The following RBFOX1 variants were observed in gnomAD, a reference collection of about 807,000 sequenced individuals.
The protein encoded by RBFOX1 is RNA binding protein fox-1 homolog 1.
RBFOX1 carries 8 observed loss-of-function variants against 57.7 expected under a neutral mutation model. That is an observed-to-expected ratio of 0.14 (90% CI 0.08 to 0.25). The LOEUF is 0.25. Ranked by LOEUF, RBFOX1 falls within the 10% of genes least tolerant of loss-of-function variation. The probability of loss-of-function intolerance (pLI) is 1.00; values close to 1 mark genes in which losing one functional copy is unlikely to be tolerated. For missense variants in RBFOX1, 611 were observed against 548.5 expected (o/e 1.11, Z -1.14); for synonymous variants, 326 against 222.4 (o/e 1.47, Z -4.15).
At chr16:6,460,853 C>G (rs1247030512) in intron 2 of RBFOX1, among the ~76,000 whole-genome samples, 1 of 146,992 alleles carries the variant, frequency 6.8e-6, no homozygotes, top group Non-Finnish European at 1.5e-5. Flanking sequence ...TGGAATCAAC[C>G]TAAATGCCCA....
chr16:6,173,870 A>C (rs370820736), intron 1 of RBFOX1, among the ~76,000 whole-genome samples: 1 of 151,890 alleles, frequency 6.6e-6, no homozygotes, highest in South Asian at 2.1e-4. Flanking sequence ...TTGGCCTCCC[A>C]AAGTGCTGTT....
At chr16:7,201,751 C>G (rs1404945492) in intron 4 of RBFOX1, among the ~76,000 whole-genome samples, 2 of 152,154 alleles carry the variant, frequency 1.3e-5, no homozygotes, top group Non-Finnish European at 2.9e-5. Context: ...GCAAGAGCCA[C>G]CATGCCCGGC....
At chr16:6,481,043 C>T (rs890047781) in intron 2 of RBFOX1, among the ~76,000 whole-genome samples, 4 of 152,152 alleles carry the variant, frequency 2.6e-5, no homozygotes, top group Admixed American at 1.3e-4. Flanking sequence ...TTAGGACAGA[C>T]ATTAGAAGTA....
intron 1 of RBFOX1, among the ~76,000 whole-genome samples, chr16:6,243,665 C>T (rs1054741972): frequency 6.6e-6 from 1 of 152,174 alleles, no homozygotes; most frequent in Non-Finnish European, 1.5e-5. Flanking sequence ...ATCAGAGCAT[C>T]CCAACCCCTG....
At chr16:6,419,299 A>C (rs2093710432) in intron 2 of RBFOX1, among the ~76,000 whole-genome samples, 1 of 152,076 alleles carries the variant, frequency 6.6e-6, no homozygotes, top group Non-Finnish European at 1.5e-5. Context: ...TCTTTGCCTG[A>C]CTGGCCTGGA....
intron 1 of RBFOX1, among the ~76,000 whole-genome samples, chr16:6,158,154 C>T (rs1307825313): frequency 2.0e-5 from 3 of 152,080 alleles, no homozygotes; most frequent in African/African-American, 4.8e-5. Context: ...ATAATGATGT[C>T]CACTTTAGTC....
intron 2 of RBFOX1, among the ~76,000 whole-genome samples, chr16:6,387,440 AGCCAC>A (rs1214867419): frequency 1.3e-5 from 2 of 149,540 alleles, no homozygotes; most frequent in African/African-American, 4.9e-5. Context: ...GTGAGGGAAG[AGCCAC>A]CCTAGATATG....
chr16:5,959,398 TGGG>T (rs2059706771), intron 4 of RBFOX1, among the ~76,000 whole-genome samples: 1 of 152,118 alleles, frequency 6.6e-6, no homozygotes, highest in Non-Finnish European at 1.5e-5. Context: ...AATTTTAAAT[TGGG>T]TGAATGCAGA....
chr16:7,180,741 A>G (rs2082539066), intron 4 of RBFOX1, among the ~76,000 whole-genome samples: 1 of 151,040 alleles, frequency 6.6e-6, no homozygotes, highest in Non-Finnish European at 1.5e-5. Context: ...CTGCCAGAAC[A>G]TTGGCTTCAA....
At chr16:6,665,291 T>G (rs1311634712) in intron 3 of RBFOX1, among the ~76,000 whole-genome samples, 1 of 151,446 alleles carries the variant, frequency 6.6e-6, no homozygotes, top group Non-Finnish European at 1.5e-5. Context: ...TGGGATGGGG[T>G]CCAGCTAAAT....
At chr16:5,384,992 C>G (rs1482969059) in intron 1 of RBFOX1, among the ~76,000 whole-genome samples, 1 of 152,168 alleles carries the variant, frequency 6.6e-6, no homozygotes, top group Non-Finnish European at 1.5e-5. Flanking sequence ...CAATCTTTCC[C>G]CCTCAGTGTT....
At chr16:7,020,843 G>A (rs532124903) in intron 3 of RBFOX1, among the ~76,000 whole-genome samples, 8 of 152,040 alleles carry the variant, frequency 5.3e-5, no homozygotes, top group East Asian at 1.9e-4. Context: ...AATTTTTCTC[G>A]AGGCCAGTCT....
intron 3 of RBFOX1, among the ~76,000 whole-genome samples, chr16:6,777,299 T>G (rs2079540699): frequency 6.6e-6 from 1 of 152,188 alleles, no homozygotes; most frequent in African/African-American, 2.4e-5. Context: ...TGATTAGTAC[T>G]ACTGCATTTT....
In RBFOX1 at chr16:6,572,624, A is replaced by C. The variant is rs751753944; in HGVS notation, c.-63-81979A>C. ...TCTTTTTTTTTTTAGACAGAGTCTC[A>C]CTCTGTCACCCAGGCTGGAGTGCAG... On this transcript the variant is annotated intron_variant, in intron 2 of 15. Transcript: ENST00000550418. Among the ~76,000 whole-genome samples the C allele has an allele frequency of 4.0e-5, 6 of 150,294 alleles. 1 individual carries two copies. In the South Asian group the frequency reaches 1.3e-3, roughly 32 times the overall value.
At chr16:6,473,919 G>T (rs563944523) in intron 2 of RBFOX1, among the ~76,000 whole-genome samples, 1 of 152,260 alleles carries the variant, frequency 6.6e-6, no homozygotes, top group East Asian at 1.9e-4. Context: ...TACGAATCTA[G>T]TCCTGATTGT....
chr16:7,580,999 GT>G (rs1266905860), intron 6 of RBFOX1, among the ~76,000 whole-genome samples: 1 of 151,154 alleles, frequency 6.6e-6, no homozygotes, highest in African/African-American at 2.5e-5. Flanking sequence ...TCCTAGCCAA[GT>G]TGGTGGTGTC....
At chr16:6,288,598 G>C (rs1465881662) in intron 1 of RBFOX1, among the ~76,000 whole-genome samples, 1 of 152,116 alleles carries the variant, frequency 6.6e-6, no homozygotes, top group African/African-American at 2.4e-5. Flanking sequence ...AACTCAGTCA[G>C]GTGAGAGCTG....
chr16:5,414,175 G>A (rs1282412071), intron 1 of RBFOX1, among the ~76,000 whole-genome samples: 2 of 152,178 alleles, frequency 1.3e-5, no homozygotes, highest in Non-Finnish European at 2.9e-5. Flanking sequence ...GGAAAAACAA[G>A]GGTGATCACT....
At chr16:7,441,076 C>T (rs1211246200) in intron 4 of RBFOX1, among the ~76,000 whole-genome samples, 1 of 152,066 alleles carries the variant, frequency 6.6e-6, no homozygotes, top group Admixed American at 6.6e-5. Flanking sequence ...CTGTTATTTT[C>T]CTAAGATATC....
Sources: gnomAD v4.1 joint callset for allele counts (sites outside exome capture counted in the v4.1 genomes callset) on GRCh38, gnomAD v4.1.1 for gene constraint, MANE v1.5 for transcripts, NCBI Gene and HGNC (gene_info 2026-07-23, HGNC 2026-07-21) for gene names.